Variants in LDB1 observed in about 807,000 individuals in gnomAD.
LDB1 encodes LIM domain-binding protein 1.
A neutral mutation model predicts 49.7 loss-of-function variants in LDB1; 6 were observed. That is an observed-to-expected ratio of 0.12 (90% CI 0.07 to 0.24). LDB1 has a LOEUF of 0.24. Among genes scored for constraint, LDB1 ranks in the 10% least tolerant of loss-of-function variants. The pLI, the probability that LDB1 is intolerant of heterozygous loss-of-function variation, is 1.00. For synonymous variants in LDB1, 233 were observed against 202.0 expected (o/e 1.15, Z -1.30); for missense variants, 341 against 561.7 (o/e 0.61, Z 3.97).
Position 102,114,607 on chromosome 10 carries a change from T to A in LDB1, c.26-3071A>T, listed in dbSNP as rs945935. On this transcript the variant is annotated intron_variant, in intron 1 of 10. Transcript: ENST00000673968. ...CCTCGGCCCGCCCCGCGGCGGCCGC[T>A]GTCCCGGGGGAAAGTTACAATGGCC... 1,802 of 984,248 alleles carry A rather than the reference T, an allele frequency of 1.8e-3. 33 individuals carry two copies. The African/African-American group carries it at 0.029, about 16-fold the overall frequency. 61.0% of individuals were successfully genotyped at this position (984,248 alleles called of 1,614,324 possible). A position where few individuals can be genotyped will look rare whatever the true frequency, so the allele number is the denominator to read the frequency against.
chr10:102,119,995 C>A (rs1026319408), intron 1 of LDB1, 91 bp downstream of exon 1: 6 of 1,031,714 alleles, frequency 5.8e-6, no homozygotes, highest in African/African-American at 5.1e-5. Context: ...GCCATCGACG[C>A]CCCCCACACA....
chr10:102,112,108 A>C (rs1439978695), intron 1 of LDB1, among the ~76,000 whole-genome samples: 1 of 152,226 alleles, frequency 6.6e-6, no homozygotes, highest in Non-Finnish European at 1.5e-5. Context: ...GCTGAGTCCT[A>C]GATGACAGAA....
In LDB1 at chr10:102,110,963, G is replaced by A. The variant is rs1226299582; in HGVS notation, c.258C>T (p.Asp86=). 1.2e-6 allele frequency: 2 copies of A among 1,613,800 alleles called. No individual in the cohort carries two copies. Among genetic ancestry groups the A allele is most frequent in the Non-Finnish European group, 1.7e-6 (2 of 1,179,824 alleles). The change falls in exon 5 of 11, where the codon GAC becomes GAT. Residue 86 remains aspartate (D), a synonymous_variant. Transcript: ENST00000673968. The stretch of plus-strand genomic sequence containing the variant: ...TCGTGAATGCATCCCACCAGAGATT[G>A]TCACACTCCTAGGGAGCATGGTAAC... ...KRLQNWTEEC[D]NLWWDAFTTE... is the part of the protein sequence containing the mutation.
chr10:102,113,332 G>A (rs1285633660), intron 1 of LDB1, among the ~76,000 whole-genome samples: 1 of 152,134 alleles, frequency 6.6e-6, no homozygotes, highest in Non-Finnish European at 1.5e-5. Flanking sequence ...TGCCTATCAA[G>A]GGCTGGAACC....
intron 1 of LDB1, chr10:102,114,328 C>G: frequency 3.0e-6 from 3 of 986,012 alleles, no homozygotes; most frequent in South Asian, 4.7e-5. Context: ...ACCTCTCCCC[C>G]AGCCCGCAGA....
upstream of LDB1, among the ~76,000 whole-genome samples, chr10:102,120,827 G>T (rs2068411061): frequency 6.6e-6 from 1 of 152,238 alleles, no homozygotes; most frequent in East Asian, 1.9e-4. Context: ...GCGGAGCCGG[G>T]GTGGGCAGTG....
downstream of LDB1, among the ~76,000 whole-genome samples, chr10:102,104,213 T>A (rs1321713714): frequency 6.6e-6 from 1 of 152,096 alleles, no homozygotes; most frequent in Non-Finnish European, 1.5e-5. Context: ...AGGAAGGAGC[T>A]GGGAGTCCAG....
intron 10 of LDB1, 67 bp downstream of exon 10, chr10:102,108,962 G>T (rs1397730273): frequency 6.2e-7 from 1 of 1,602,428 alleles, no homozygotes; most frequent in Admixed American, 1.7e-5. Flanking sequence ...GTGAGCTCAG[G>T]CTTGGAAAGG....
At chr10:102,115,405 C>T (rs1303140064) in intron 1 of LDB1, among the ~76,000 whole-genome samples, 2 of 152,186 alleles carry the variant, frequency 1.3e-5, no homozygotes, top group Non-Finnish European at 2.9e-5. Context: ...GCCCGGACTG[C>T]CAGCCTGGGC....
At position 102,109,050 on chromosome 10, in the gene LDB1, G is replaced by A. The variant is rs774623153; in HGVS notation, c.984C>T (p.Phe328=). The change falls in exon 10 of 11, where the codon TTC becomes TTT. Residue 328 remains phenylalanine, a synonymous_variant. Coordinates refer to ENST00000673968, the MANE Select transcript of LDB1 (RefSeq NM_001113407.3). This position sits in a 1 kb window ranked among gnomAD's most constrained non-coding sequence, Gnocchi z 5.8. ...TTACAGGTACCTGGCTGGAGAGGGCGAAGGTGCTAGCTGGGCTCTTCTTCT... is the reference window on the plus strand; with the variant it reads ...TTACAGGTACCTGGCTGGAGAGGGCAAAGGTGCTAGCTGGGCTCTTCTTCT... ...NSKKKSPAST[F]ALSSQVPDVM... The A allele has an allele frequency of 1.1e-5, 18 of 1,614,122 alleles. No individual in the cohort carries two copies. Among genetic ancestry groups the A allele is most frequent in the Middle Eastern group, 1.6e-4 (1 of 6,084 alleles).
chr10:102,115,880 CT>C (rs1380607259), intron 1 of LDB1, among the ~76,000 whole-genome samples: 2 of 152,020 alleles, frequency 1.3e-5, no homozygotes, highest in Non-Finnish European at 2.9e-5. Flanking sequence ...CCAGACCTTA[CT>C]CGTGGACAAA....
chr10:102,108,436 CCCT>C, intron 10 of LDB1, 113 bp from the exon 11 acceptor site: 1 of 733,114 alleles, frequency 1.4e-6, no homozygotes, highest in Non-Finnish European at 2.2e-6. Context: ...AGTCCCCACC[CCCT>C]CCTCATACCC....
intron 1 of LDB1, among the ~76,000 whole-genome samples, chr10:102,115,444 G>C (rs1348700703): frequency 6.6e-6 from 1 of 152,196 alleles, no homozygotes; most frequent in Non-Finnish European, 1.5e-5. Flanking sequence ...GAGCAGCTGG[G>C]GGGAGAGGCT....
Position 102,110,895 on chromosome 10 carries a change from C to G in LDB1, c.326G>C (p.Cys109Ser). The change falls in exon 5 of 11, where the codon TGC (cysteine) becomes TCC (serine). Residue 109 changes from cysteine to serine, a missense_variant. Transcript: ENST00000673968. ...EDDAMLTITF[C>S]LEDGPKRYTI... is the part of the protein sequence containing the mutation. ...ATATCTCTTTGGTCCATCCTCCAGG[C>G]AGAAAGTGATGGTCAACATGGCATC... 6.2e-7 allele frequency: 1 copy of G among 1,614,062 alleles called. No individual in the cohort carries two copies. Among genetic ancestry groups the G allele is most frequent in the Non-Finnish European group, 8.5e-7 (1 of 1,179,986 alleles).
intron 6 of LDB1, 53 bp from the exon 7 acceptor site, chr10:102,110,096 G>A (rs1217300705): frequency 1.0e-5 from 16 of 1,577,680 alleles, no homozygotes; most frequent in African/African-American, 2.7e-5. Context: ...CATACCTGAA[G>A]GTATGTCTAT....
intron 1 of LDB1, among the ~76,000 whole-genome samples, chr10:102,113,782 T>C (rs115703265): frequency 0.097 from 14,343 of 147,958 alleles, 1,741 homozygotes; most frequent in African/African-American, 0.29. Context: ...AAAAAAACTC[T>C]CAGAGCCTCC....
At chr10:102,121,164 C>T (rs983629732), upstream of LDB1, among the ~76,000 whole-genome samples, 6 of 152,064 alleles carry the variant, frequency 3.9e-5, no homozygotes, top group Non-Finnish European at 7.4e-5. Context: ...TGCGGAATGA[C>T]CACCAGATTG....
chr10:102,114,812 G>GGGGGC, intron 1 of LDB1: 114 of 929,636 alleles, frequency 1.2e-4, no homozygotes, highest in Non-Finnish European at 1.3e-4. Flanking sequence ...CCTCCGAGCA[G>GGGGGC]CCCGCCCGCC....
chr10:102,114,812 G>GGGGCCCCCCCCCCCCCCCCCCC, intron 1 of LDB1: 4 of 929,818 alleles, frequency 4.3e-6, no homozygotes, highest in Non-Finnish European at 3.8e-6. Flanking sequence ...CCTCCGAGCA[G>GGGGCCCCCCCCCCCCCCCCCCC]CCCGCCCGCC....
Sources: allele counts gnomAD v4.1 joint callset (sites outside exome capture counted in the v4.1 genomes callset), GRCh38; gene constraint gnomAD v4.1.1; non-coding constraint Gnocchi (gnomAD v3.1); transcripts MANE v1.5; gene names NCBI Gene and HGNC (gene_info 2026-07-23, HGNC 2026-07-21).